The following ALMS1 variants were observed in gnomAD, a reference collection of about 807,000 sequenced individuals.
The protein encoded by ALMS1 is ALMS1 centrosome and basal body associated protein, also known as centrosome-associated protein ALMS1.
In ALMS1, 271 loss-of-function variants were observed where a neutral mutation model predicts 352.2. That is an observed-to-expected ratio of 0.77 (90% CI 0.70 to 0.85). ALMS1 has a LOEUF of 0.85. Ranked by LOEUF, ALMS1 falls within the 40% of genes least tolerant of loss-of-function variation. ALMS1 has a pLI of 0.00. For synonymous variants in ALMS1, 1,865 were observed against 1,761.2 expected, an observed-to-expected ratio of 1.06 and a Z score of -1.48; for missense variants, 5,445 against 4,870.7, an observed-to-expected ratio of 1.12 and a Z score of -3.51.
At chr2:73,509,297 C>A in intron 10 of ALMS1, among the ~76,000 whole-genome samples, 1 of 152,058 alleles carries the variant, frequency 6.6e-6, no homozygotes, top group Non-Finnish European at 1.5e-5. Flanking sequence ...CATTATGATG[C>A]TAGCTGGTTA....
At chr2:73,538,434 C>G (rs1194928711) in intron 12 of ALMS1, among the ~76,000 whole-genome samples, 1 of 152,094 alleles carries the variant, frequency 6.6e-6, no homozygotes. Context: ...AGGAAGAGCT[C>G]CAGTCTGCAG....
Position 73,490,058 on chromosome 2 carries a change from C to T in ALMS1, c.8099C>T (p.Ser2700Leu), listed in dbSNP as rs1672943284. ...PPKEVDFHSS[S>L]QMPSPEPMKK... ...AAAGAAGTGGATTTTCATTCTTCAT[C>T]ACAAATGCCGTCCCCAGAACCCATG... is the stretch of plus-strand genomic sequence containing the variant. The change falls in exon 10 of 23, where the codon TCA (serine) becomes TTA (leucine). Residue 2700 changes from serine (S) to leucine (L), a missense_variant. By Grantham distance (145) the Ser-to-Leu change is moderately radical. Transcript: ENST00000613296. The T allele has an allele frequency of 1.9e-6, 3 of 1,614,186 alleles. No individual in the cohort carries two copies. Among genetic ancestry groups the T allele is most frequent in the Non-Finnish European group, 2.5e-6 (3 of 1,180,026 alleles).
chr2:73,575,951 G>C (rs1018990037), intron 16 of ALMS1, among the ~76,000 whole-genome samples: 2 of 151,894 alleles, frequency 1.3e-5, no homozygotes, highest in Admixed American at 1.3e-4. Flanking sequence ...AATAATTTTA[G>C]CTTTTACTTT....
intron 9 of ALMS1, among the ~76,000 whole-genome samples, chr2:73,482,673 C>A (rs1291915243): frequency 6.6e-6 from 1 of 152,094 alleles, no homozygotes; most frequent in Non-Finnish European, 1.5e-5. Context: ...CTTCTTGTAC[C>A]TCTGGTAGAA....
intron 9 of ALMS1, among the ~76,000 whole-genome samples, chr2:73,482,143 C>T (rs982304240): frequency 5.3e-5 from 8 of 152,196 alleles, no homozygotes; most frequent in African/African-American, 9.7e-5. Context: ...AGAGGGCATC[C>T]CTGTCTTGTG....
chr2:73,492,924 G>A (rs1044808964), intron 10 of ALMS1, among the ~76,000 whole-genome samples: 5 of 150,370 alleles, frequency 3.3e-5, no homozygotes, highest in African/African-American at 1.2e-4. Context: ...TTTTAGTAGA[G>A]ACGAGGTTTT....
chr2:73,490,029 A>T lies in ALMS1; in HGVS notation c.8070A>T (p.Pro2690=). The T allele has an allele frequency of 6.2e-7, 1 of 1,614,238 alleles. No homozygotes were observed. The highest frequency in any genetic ancestry group is 8.5e-7 in the Non-Finnish European group (1 of 1,180,046). Residue 2690 remains proline, a synonymous_variant, in exon 10 of 23, where the codon CCA becomes CCT. Coordinates refer to ENST00000613296, the MANE Select transcript of ALMS1 (RefSeq NM_001378454.1). The part of the protein sequence containing the change: ...LSELVEPAFV[P]PKEVDFHSSS... Reference sequence around the variant, plus strand: ...AATTAGTAGAACCTGCTTTTGTGCCACCTAAAGAAGTGGATTTTCATTCTT... The same window carrying T: ...AATTAGTAGAACCTGCTTTTGTGCCTCCTAAAGAAGTGGATTTTCATTCTT...
chr2:73,543,318 G>C (rs557707740), intron 12 of ALMS1, among the ~76,000 whole-genome samples: 1 of 152,190 alleles, frequency 6.6e-6, no homozygotes, highest in Non-Finnish European at 1.5e-5. Flanking sequence ...GCCATATGTA[G>C]AAAGCTGAAA....
chr2:73,458,022 A>G (rs1304445805), intron 9 of ALMS1: 3 of 72,288 alleles, frequency 4.2e-5, no homozygotes, highest in Non-Finnish European at 7.5e-5. Flanking sequence ...CGACAGAGGG[A>G]GACTTTGTCT....
rs150170346 is a variant in ALMS1 at position 73,601,121 on chromosome 2, ATCC to A, written c.11873-72_11873-70del. The A allele has an allele frequency of 8.4e-4, 1,352 of 1,607,298 alleles. 14 individuals are homozygous for A. In the African/African-American group the frequency reaches 0.017, roughly 20 times the overall value. On this transcript the variant is annotated intron_variant, in intron 18 of 22. Coordinates refer to ENST00000613296, the MANE Select transcript of ALMS1 (RefSeq NM_001378454.1). ...CCCTGAGAACCTGTATTATATGCAT[ATCC>A]TGGATAAGAGCTGGGTGGGGCTGTA...
At chr2:73,525,318 G>T (rs1394087351) in intron 11 of ALMS1, among the ~76,000 whole-genome samples, 1 of 152,090 alleles carries the variant, frequency 6.6e-6, no homozygotes, top group Non-Finnish European at 1.5e-5. Context: ...TCATATGTTA[G>T]CTCTAATTGT....
Position 73,451,927 on chromosome 2 carries a change from A to G in ALMS1, c.5400A>G (p.Thr1800=), listed in dbSNP as rs1342577400. Residue 1800 remains threonine (T), a synonymous_variant, in exon 8 of 23, where the codon ACA becomes ACG. Transcript: ENST00000613296. ...CTGACCAGAAGACTGGGGTATCAAC[A>G]GTAACCTCTACTTCCTACTCACACA... ...GPADQKTGVS[T]VTSTSYSHRE... is the part of the protein sequence containing the mutation. The G allele has an allele frequency of 1.2e-6, 2 of 1,613,856 alleles. No individual in the cohort carries two copies. Among genetic ancestry groups the G allele is most frequent in the Non-Finnish European group, 1.7e-6 (2 of 1,179,948 alleles).
chr2:73,446,621 C>T lies in ALMS1; in HGVS notation c.1433-1339C>T, dbSNP rs549734357. 1.2e-4 allele frequency among the ~76,000 whole-genome samples: 19 copies of T among 152,282 alleles called. No homozygotes were observed. The South Asian group carries it at 1.4e-3, about 12-fold the overall frequency. ...TTCTATATTCAGCTCCTTTGAAGCTCGTCAGTGGCCATAGAAAGCCAGTCA... is the reference window on the plus strand; with the variant it reads ...TTCTATATTCAGCTCCTTTGAAGCTTGTCAGTGGCCATAGAAAGCCAGTCA... On this transcript the variant is annotated intron_variant, in intron 7 of 22. Transcript: ENST00000613296.
At chr2:73,435,749 A>G (rs937123631) in intron 7 of ALMS1, among the ~76,000 whole-genome samples, 9 of 152,016 alleles carry the variant, frequency 5.9e-5, no homozygotes, top group Non-Finnish European at 1.0e-4. Flanking sequence ...GTACCACTAC[A>G]CTGAGCTAAT....
At chr2:73,592,163 C>T (rs1675447887) in intron 16 of ALMS1, among the ~76,000 whole-genome samples, 1 of 152,162 alleles carries the variant, frequency 6.6e-6, no homozygotes, top group Admixed American at 6.5e-5. Flanking sequence ...TTTTCAAGAA[C>T]CTGTTATGCA....
At chr2:73,569,217 G>C (rs1159233164) in intron 15 of ALMS1, among the ~76,000 whole-genome samples, 3 of 151,674 alleles carry the variant, frequency 2.0e-5, no homozygotes, top group African/African-American at 7.3e-5. Context: ...GTTTCACCAT[G>C]TTGGCCAGGC....
chr2:73,538,087 C>T (rs6729456), intron 12 of ALMS1, among the ~76,000 whole-genome samples: 28 of 152,018 alleles, frequency 1.8e-4, no homozygotes, highest in African/African-American at 6.5e-4. Flanking sequence ...AACTTTTGTA[C>T]ACAAAACCCA....
rs1448258112 is a variant in ALMS1, at chr2:73,577,415, G to A, written c.11547+3991G>A. Among the ~76,000 whole-genome samples, 3 of 149,972 alleles carry A rather than the reference G, an allele frequency of 2.0e-5. No individual in the cohort carries two copies. The East Asian group carries it at 5.9e-4, about 29-fold the overall frequency. The stretch of plus-strand genomic sequence containing the variant: ...TTGTTTATCTTTTTTTTTAAAGTCT[G>A]TTTCATTTATCTCCATTGAATCTAC... On this transcript the variant is annotated intron_variant, in intron 16 of 22. Transcript: ENST00000613296.
At chr2:73,564,541 C>G in intron 15 of ALMS1, among the ~76,000 whole-genome samples, 1 of 151,198 alleles carries the variant, frequency 6.6e-6, no homozygotes, top group East Asian at 1.9e-4. Context: ...TGCAATCAAC[C>G]ATCACCATAA....
Sources: allele counts gnomAD v4.1 joint callset (sites outside exome capture counted in the v4.1 genomes callset), GRCh38; gene constraint gnomAD v4.1.1; transcripts MANE v1.5; gene names NCBI Gene and HGNC (gene_info 2026-07-23, HGNC 2026-07-21).